ZFP30: variants seen among roughly 807,000 people sequenced by gnomAD.
ZFP30 encodes the protein ZFP30 zinc finger protein, also known as zinc finger protein 30 homolog.
A neutral mutation model predicts 12.3 loss-of-function variants in ZFP30; 16 were observed. That is an observed-to-expected ratio of 1.30 (90% confidence interval 0.88 to 1.98). ZFP30 has a LOEUF of 1.98. Among genes scored for constraint, ZFP30 ranks in the 30% most tolerant of loss-of-function variants. The probability of loss-of-function intolerance (pLI) is 0.00; values close to 1 mark genes in which losing one functional copy is unlikely to be tolerated. For missense variants in ZFP30, 560 were observed against 611.2 expected, an observed-to-expected ratio of 0.92 and a Z score of 0.88; for synonymous variants, 172 against 201.0, an observed-to-expected ratio of 0.86 and a Z score of 1.22.
rs774419948 is a variant in ZFP30, at chr19:37,643,271, T to TC, written c.228dup (p.Thr77AspfsTer9). 1 of 1,611,168 alleles carries TC rather than the reference T, an allele frequency of 6.2e-7. No homozygotes were observed. The highest frequency in any genetic ancestry group is 2.2e-5 in the East Asian group (1 of 44,526). On this transcript the variant is annotated frameshift_variant, in exon 5 of 6. Coordinates refer to ENST00000684514, the MANE Select transcript of ZFP30 (RefSeq NM_001320669.3). LOFTEE classifies it low-confidence loss of function (END_TRUNC). ...CTGCCTGATCAGCACTTACCTAGAGTCCATCTTCTTTTCTCATCCCTCACA... is the reference window on the plus strand; with the variant it reads ...CTGCCTGATCAGCACTTACCTAGAGTCCCATCTTCTTTTCTCATCCCTCACA...
intron 5 of ZFP30, 63 bp downstream of exon 5, chr19:37,643,202 T>C: frequency 7.5e-7 from 1 of 1,337,706 alleles, no homozygotes; most frequent in Non-Finnish European, 1.0e-6. Context: ...GGGGTGTGTC[T>C]CCTCCTCAAC....
At chr19:37,654,613 G>C (rs1456974770) in intron 2 of ZFP30, 99 bp downstream of exon 2, 1 of 152,142 alleles carries the variant, frequency 6.6e-6, no homozygotes, top group Non-Finnish European at 1.5e-5. Context: ...GAAATCCTAA[G>C]GCCCAAATCA....
intron 5 of ZFP30, among the ~76,000 whole-genome samples, chr19:37,643,009 C>A (rs908835178): frequency 1.4e-5 from 2 of 146,348 alleles, no homozygotes; most frequent in African/African-American, 5.1e-5. Flanking sequence ...GCAGAGATCG[C>A]GCCACTGCAC....
chr19:37,634,003 T>C lies in ZFP30; in HGVS notation c.*978A>G, dbSNP rs1163408484. 1 of 152,204 alleles carries C rather than the reference T, an allele frequency of 6.6e-6. No homozygotes were observed. The highest frequency in any genetic ancestry group is 2.4e-5 in the African/African-American group (1 of 41,462). The allele number at this position is 152,204 out of a possible 1,614,324, so 9.4% of individuals were successfully genotyped here. On this transcript the variant is annotated 3_prime_UTR_variant, in exon 6 of 6. Coordinates refer to ENST00000684514, the MANE Select transcript of ZFP30 (RefSeq NM_001320669.3). Reference sequence around the variant, plus strand: ...TGTCAATATTCCATTCTCCCAATTATTGTTAAGTATCTCTTCTTTTACATG... The same window carrying C: ...TGTCAATATTCCATTCTCCCAATTACTGTTAAGTATCTCTTCTTTTACATG...
intron 4 of ZFP30, among the ~76,000 whole-genome samples, chr19:37,644,118 A>G (rs2044492490): frequency 6.6e-6 from 1 of 152,238 alleles, no homozygotes; most frequent in South Asian, 2.1e-4. Flanking sequence ...TCCAGCTGTC[A>G]TTAAAGACCG....
At chr19:37,654,235 A>G (rs2044708269) in intron 2 of ZFP30, among the ~76,000 whole-genome samples, 1 of 152,080 alleles carries the variant, frequency 6.6e-6, no homozygotes, top group Non-Finnish European at 1.5e-5. Flanking sequence ...TAACCACTAC[A>G]CTACACCTCC....
Position 37,635,367 on chromosome 19 carries a change from G to T in ZFP30, c.1174C>A (p.Arg392Ser), listed in dbSNP as rs574706417. The change falls in exon 6 of 6, where the codon CGT becomes AGT. Residue 392 changes from arginine to serine, a missense_variant. Arg to Ser is a moderately radical substitution (Grantham distance 110). Transcript: ENST00000684514. ...YECKECQKFF[R>S]RYSELISHQG... Reference sequence around the variant, plus strand: ...TGTGAAATAAGTTCTGAGTAACGACGAAAGAACTTCTGACATTCCTTACAT... The same window carrying T: ...TGTGAAATAAGTTCTGAGTAACGACTAAAGAACTTCTGACATTCCTTACAT... The T allele has an allele frequency of 6.2e-7, 1 of 1,612,676 alleles. No individual in the cohort carries two copies. Among genetic ancestry groups the T allele is most frequent in the Non-Finnish European group, 8.5e-7 (1 of 1,179,724 alleles).
In ZFP30 at chr19:37,635,779, T is replaced by G. The variant is rs1188850895; in HGVS notation, c.762A>C (p.Arg254Ser). The G allele has an allele frequency of 6.2e-7, 1 of 1,614,122 alleles. No individual in the cohort carries two copies. The highest frequency in any genetic ancestry group is 2.2e-5 in the East Asian group (1 of 44,868). Residue 254 changes from arginine (R) to serine (S), a missense_variant, in exon 6 of 6, where the codon AGA (arginine) becomes AGC (serine). Coordinates refer to ENST00000684514, the MANE Select transcript of ZFP30 (RefSeq NM_001320669.3). ...TCCTTTGATGGAGATTAAGTTGTCC[T>G]CTAACTCTAAAGGCTTTCCCACATT... ...CKECGKAFRV[R>S]GQLNLHQRIH...
In ZFP30 at chr19:37,635,703, T is replaced by A; in HGVS notation, c.838A>T (p.Arg280Trp). The A allele has an allele frequency of 1.2e-6, 2 of 1,614,224 alleles. No individual in the cohort carries two copies. The highest frequency in any genetic ancestry group is 1.7e-6 in the Non-Finnish European group (2 of 1,180,042). The change falls in exon 6 of 6, where the codon AGG (arginine) becomes TGG (tryptophan). Residue 280 changes from arginine to tryptophan, a missense_variant. Coordinates refer to ENST00000684514, the MANE Select transcript of ZFP30 (RefSeq NM_001320669.3). ...YECKECGKAF[R>W]QYAHLTRHQR... is the part of the protein sequence containing the mutation. ...TGTCGAGTAAGGTGTGCATACTGCC[T>A]AAAGGCCTTCCCACATTCTTTACAT...
Position 37,635,582 on chromosome 19 carries a change from T to C in ZFP30, c.959A>G (p.His320Arg), listed in dbSNP as rs984548343. ...ACATTCATAGGGTTTTTCTCCAGTATGAAGTTTGTGATGTAGTCGAAGGCC... is the reference window on the plus strand; with the variant it reads ...ACATTCATAGGGTTTTTCTCCAGTACGAAGTTTGTGATGTAGTCGAAGGCC... ...STGLRLHHKL[H>R]TGEKPYECKE... is the part of the protein sequence containing the mutation. Residue 320 changes from histidine to arginine, a missense_variant, in exon 6 of 6, where the codon CAT becomes CGT. By Grantham distance (29) the His-to-Arg change is conservative. Coordinates refer to ENST00000684514, the MANE Select transcript of ZFP30 (RefSeq NM_001320669.3). 9.9e-6 allele frequency: 16 copies of C among 1,614,088 alleles called. No homozygotes were observed. The highest frequency in any genetic ancestry group is 1.4e-5 in the Non-Finnish European group (16 of 1,180,050).
At chr19:37,637,146 A>G (rs1188536127) in intron 5 of ZFP30, among the ~76,000 whole-genome samples, 1 of 150,754 alleles carries the variant, frequency 6.6e-6, no homozygotes, top group Admixed American at 6.6e-5. Context: ...TGCTGACTTC[A>G]TGTAATATAT....
chr19:37,644,517 A>G lies in ZFP30; in HGVS notation c.136+93T>C, dbSNP rs187442211. ...CCACTGCACTTCAGCCTGGTGACTCAGCGAGACTTCGTCTTTGGAAAAAAA... is the reference window on the plus strand; with the variant it reads ...CCACTGCACTTCAGCCTGGTGACTCGGCGAGACTTCGTCTTTGGAAAAAAA... On this transcript the variant is annotated intron_variant, in intron 4 of 5. Coordinates refer to ENST00000684514, the MANE Select transcript of ZFP30 (RefSeq NM_001320669.3). 86 of 1,372,980 alleles carry G rather than the reference A, an allele frequency of 6.3e-5. No individual in the cohort carries two copies. The African/African-American group carries it at 1.3e-3, about 21-fold the overall frequency. The allele number at this position is 1,372,980 out of a possible 1,614,324, so 85.0% of individuals were successfully genotyped here. A position where few individuals can be genotyped will look rare whatever the true frequency, so the allele number is the denominator to read the frequency against.
chr19:37,643,457 T>G, intron 4 of ZFP30, 94 bp from the exon 5 acceptor site: 1 of 884,686 alleles, frequency 1.1e-6, no homozygotes. Context: ...TAGCATAGAG[T>G]TACTTCAGGA....
rs984848826 is a variant in ZFP30, at chr19:37,636,374, T to C, written c.236-69A>G. 1.0e-4 allele frequency: 122 copies of C among 1,206,054 alleles called. 1 individual carries two copies. Among genetic ancestry groups the C allele is most frequent in the South Asian group, 4.2e-4 (13 of 30,794 alleles). 74.7% of individuals were successfully genotyped at this position (1,206,054 alleles called of 1,614,324 possible). A position where few individuals can be genotyped will look rare whatever the true frequency, so the allele number is the denominator to read the frequency against. On this transcript the variant is annotated intron_variant, in intron 5 of 5. Coordinates refer to ENST00000684514, the MANE Select transcript of ZFP30 (RefSeq NM_001320669.3). ...AAATAAACAAACGAAAACTTTATAA[T>C]AGAAATCGGTGACCAAAAAAAAAAA...
chr19:37,635,644 C>T lies in ZFP30; in HGVS notation c.897G>A (p.Glu299=), dbSNP rs2015526087. The T allele has an allele frequency of 1.2e-6, 2 of 1,614,000 alleles. No individual in the cohort carries two copies. The highest frequency in any genetic ancestry group is 3.3e-5 in the Admixed American group (2 of 60,010). Residue 299 remains glutamate, a synonymous_variant, in exon 6 of 6, where the codon GAG becomes GAA. Transcript: ENST00000684514. ...GAAAGGCCTGACCACATTCCTTACA[C>T]TCATAGCACTTCTCAGCAATGTTCA... The part of the protein sequence containing the change: ...QRLNIAEKCY[E]CKECGQAFLC...
At chr19:37,643,187 T>G (rs1208835849) in intron 5 of ZFP30, 78 bp downstream of exon 5, 1 of 1,118,566 alleles carries the variant, frequency 8.9e-7, no homozygotes, top group Non-Finnish European at 1.3e-6. Context: ...ACAATTGACA[T>G]CTAAGGGGTG....
Position 37,644,660 on chromosome 19 carries a change from T to G in ZFP30, c.86A>C (p.Asn29Thr). The change falls in exon 4 of 6, where the codon AAT (asparagine) becomes ACT (threonine). Residue 29 changes from asparagine to threonine, a missense_variant. Transcript: ENST00000684514. ...CTCTAATATCACATCTCTGTACAAA[T>G]TCCTCTGATATGAGTTCAGGCATTC... ...EWECLNSYQR[N>T]LYRDVILENY... is the part of the protein sequence containing the mutation. The G allele has an allele frequency of 6.2e-7, 1 of 1,613,072 alleles. No homozygotes were observed. The highest frequency in any genetic ancestry group is 8.5e-7 in the Non-Finnish European group (1 of 1,179,538).
rs745478724 is a variant in ZFP30 at position 37,636,000 on chromosome 19, T to C, written c.541A>G (p.Thr181Ala). The C allele has an allele frequency of 3.7e-6, 6 of 1,614,100 alleles. No homozygotes were observed. The highest frequency in any genetic ancestry group is 1.1e-5 in the South Asian group (1 of 91,082). ...QQLTFHQRIHTGEKPYECKEC... is the reference protein window; with the variant it reads ...QQLTFHQRIHAGEKPYECKEC... ...TTACATTCATAGGGTTTCTCACCAG[T>C]ATGAATTCTTTGATGGAAAGTAAGT... Residue 181 changes from threonine to alanine, a missense_variant, in exon 6 of 6, where the codon ACT (threonine) becomes GCT (alanine). Coordinates refer to ENST00000684514, the MANE Select transcript of ZFP30 (RefSeq NM_001320669.3).
At chr19:37,639,862 T>G (rs1372173757) in intron 5 of ZFP30, among the ~76,000 whole-genome samples, 1 of 152,112 alleles carries the variant, frequency 6.6e-6, no homozygotes, top group East Asian at 1.9e-4. Context: ...GGCTCCCTAC[T>G]TAAGTGACAA....
Sources: allele counts gnomAD v4.1 joint callset (sites outside exome capture counted in the v4.1 genomes callset), GRCh38; gene constraint gnomAD v4.1.1; transcripts MANE v1.5; gene names NCBI Gene and HGNC (gene_info 2026-07-23, HGNC 2026-07-21).